The following STXBP5L variants were observed in gnomAD, a reference collection of about 807,000 sequenced individuals.
The protein encoded by STXBP5L is syntaxin binding protein 5L.
A neutral mutation model predicts 144.5 loss-of-function variants in STXBP5L; 65 were observed. The observed-to-expected ratio is 0.45, with a 90% CI of 0.37 to 0.55. STXBP5L has a LOEUF of 0.55. Among genes scored for constraint, STXBP5L ranks in the 20% least tolerant of loss-of-function variants. The probability of loss-of-function intolerance (pLI) is 0.00; values close to 1 mark genes in which losing one functional copy is unlikely to be tolerated. For missense variants in STXBP5L, 1,298 were observed against 1,405.5 expected (o/e 0.92, Z 1.22); for synonymous variants, 505 against 469.6 (o/e 1.08, Z -0.97).
chr3:121,058,903 G>A (rs554182325), intron 5 of STXBP5L, among the ~76,000 whole-genome samples: 72 of 152,178 alleles, frequency 4.7e-4, no homozygotes, highest in Admixed American at 6.5e-4. Flanking sequence ...TGCAAAAAAT[G>A]TTCTCCCATT....
intron 3 of STXBP5L, among the ~76,000 whole-genome samples, chr3:121,031,073 C>T (rs1372871513): frequency 6.6e-6 from 1 of 151,998 alleles, no homozygotes; most frequent in Non-Finnish European, 1.5e-5. Context: ...GAGAATTACT[C>T]AGAGAAGGAA....
At chr3:121,112,133 C>T (rs2044015676) in intron 5 of STXBP5L, among the ~76,000 whole-genome samples, 1 of 152,046 alleles carries the variant, frequency 6.6e-6, no homozygotes, top group African/African-American at 2.4e-5. Context: ...CCACCCCTCC[C>T]CCCAGGACTC....
At chr3:121,350,903 A>G (rs1030862697) in intron 20 of STXBP5L, among the ~76,000 whole-genome samples, 3 of 152,064 alleles carry the variant, frequency 2.0e-5, no homozygotes, top group Non-Finnish European at 4.4e-5. Flanking sequence ...CATGGGTTTG[A>G]ACTTCCTCCT....
At chr3:121,235,807 T>C (rs1017738934) in intron 12 of STXBP5L, among the ~76,000 whole-genome samples, 2 of 149,650 alleles carry the variant, frequency 1.3e-5, no homozygotes, top group African/African-American at 4.9e-5. Flanking sequence ...GAAAGAGAAC[T>C]CCTGCCAGAA....
At chr3:121,141,489 A>C (rs1223454039) in intron 7 of STXBP5L, among the ~76,000 whole-genome samples, 1 of 152,288 alleles carries the variant, frequency 6.6e-6, no homozygotes, top group East Asian at 1.9e-4. Context: ...TGATGGGTAC[A>C]TCACTTAATT....
Position 121,233,701 on chromosome 3 carries a change from T to G in STXBP5L, c.1184+13T>G. The G allele has an allele frequency of 6.3e-7, 1 of 1,591,232 alleles. No homozygotes were observed. Among genetic ancestry groups the G allele is most frequent in the Middle Eastern group, 1.7e-4 (1 of 5,964 alleles). On this transcript the variant is annotated intron_variant, in intron 12 of 26. Transcript: ENST00000471454. ...TGACACAAAGCAAGTAAGTTATCCA[T>G]GTACAGATTAACACTTTTAAACTCT...
At chr3:121,287,909 C>T (rs78067683) in intron 19 of STXBP5L, among the ~76,000 whole-genome samples, 2,934 of 152,154 alleles carry the variant, frequency 0.019, 87 homozygotes, top group African/African-American at 0.066. Flanking sequence ...AATAGTTACA[C>T]CAAGTTTATG....
chr3:120,975,524 A>G (rs1205864041), intron 3 of STXBP5L, among the ~76,000 whole-genome samples: 2 of 152,162 alleles, frequency 1.3e-5, no homozygotes, highest in Admixed American at 1.3e-4. Flanking sequence ...TCCTAATTGA[A>G]TACCCTTTAT....
chr3:121,300,856 G>T (rs920468965), intron 19 of STXBP5L, among the ~76,000 whole-genome samples: 1 of 151,912 alleles, frequency 6.6e-6, no homozygotes, highest in African/African-American at 2.4e-5. Context: ...TTCTGAGACA[G>T]GATTAAAAAG....
chr3:121,199,819 C>T (rs746304089), intron 9 of STXBP5L, among the ~76,000 whole-genome samples: 6 of 151,888 alleles, frequency 4.0e-5, no homozygotes, highest in Non-Finnish European at 8.8e-5. Flanking sequence ...AGCCTTGCAT[C>T]CCAGGGGTGA....
intron 22 of STXBP5L, among the ~76,000 whole-genome samples, chr3:121,402,030 C>T (rs1013329438): frequency 1.3e-5 from 2 of 151,956 alleles, no homozygotes; most frequent in South Asian, 2.1e-4. Flanking sequence ...AATTTTTGAA[C>T]AAAAAGTCCC....
At chr3:121,150,914 C>T (rs2045909226) in intron 7 of STXBP5L, among the ~76,000 whole-genome samples, 1 of 151,818 alleles carries the variant, frequency 6.6e-6, no homozygotes, top group Non-Finnish European at 1.5e-5. Context: ...GTGGTGAAAC[C>T]CCATCTCTAC....
At chr3:120,968,896 T>C (rs1939911784) in intron 3 of STXBP5L, among the ~76,000 whole-genome samples, 1 of 152,268 alleles carries the variant, frequency 6.6e-6, no homozygotes, top group South Asian at 2.1e-4. Flanking sequence ...TTTTTATGGC[T>C]GAGTAGCATT....
chr3:120,963,691 T>C (rs1019262330), intron 3 of STXBP5L, among the ~76,000 whole-genome samples: 1 of 152,230 alleles, frequency 6.6e-6, no homozygotes, highest in Non-Finnish European at 1.5e-5. Flanking sequence ...TTATTGAGGA[T>C]TTTTGCAGCA....
intron 3 of STXBP5L, among the ~76,000 whole-genome samples, chr3:121,029,117 T>G (rs1946176397): frequency 6.6e-6 from 1 of 152,136 alleles, no homozygotes; most frequent in African/African-American, 2.4e-5. Flanking sequence ...AAGTAATTCA[T>G]AGATTCAATG....
chr3:121,235,304 CTCTT>C (rs1248271421), intron 12 of STXBP5L, among the ~76,000 whole-genome samples: 1 of 152,026 alleles, frequency 6.6e-6, no homozygotes, highest in Non-Finnish European at 1.5e-5. Flanking sequence ...ACTTTGGAAT[CTCTT>C]TCAATTTTTT....
Position 121,151,151 on chromosome 3 carries a change from TA to T in STXBP5L, c.670-1318del, listed in dbSNP as rs546507614. Reference sequence around the variant, plus strand: ...ATCGTTCATCATTTTCTCTTGTATGTAAAAAAAATCAATTTGAAGTTAAAAC... The same window carrying T: ...ATCGTTCATCATTTTCTCTTGTATGTAAAAAAATCAATTTGAAGTTAAAAC... On this transcript the variant is annotated intron_variant, in intron 7 of 26. Transcript: ENST00000471454. 4.9e-4 allele frequency among the ~76,000 whole-genome samples: 74 copies of T among 152,008 alleles called. 1 individual carries two copies. The East Asian group carries it at 0.013, about 27-fold the overall frequency.
At chr3:121,277,152 C>A (rs1162678940) in intron 18 of STXBP5L, among the ~76,000 whole-genome samples, 1 of 151,974 alleles carries the variant, frequency 6.6e-6, no homozygotes, top group Admixed American at 6.6e-5. Context: ...AATATCAAGG[C>A]ACCAGTAGAT....
At chr3:121,233,574 T>C (rs779495413) in intron 11 of STXBP5L, 42 bp from the exon 12 acceptor site, 26 of 1,490,342 alleles carry the variant, frequency 1.7e-5, no homozygotes, top group Non-Finnish European at 2.4e-5. Context: ...TTTTATAGTA[T>C]ATACAATATG....
Sources: allele counts gnomAD v4.1 joint callset (sites outside exome capture counted in the v4.1 genomes callset), GRCh38; gene constraint gnomAD v4.1.1; transcripts MANE v1.5; gene names NCBI Gene and HGNC (gene_info 2026-07-23, HGNC 2026-07-21).